The following DHX34 variants were observed in gnomAD, a reference collection of about 807,000 sequenced individuals.
DHX34 encodes probable ATP-dependent RNA helicase DHX34.
A neutral mutation model predicts 111.1 loss-of-function variants in DHX34; 96 were observed. The ratio of observed to expected loss-of-function variants is 0.86; its 90% CI spans 0.73 to 1.02. DHX34 has a LOEUF of 1.02. Ranked by LOEUF, DHX34 falls within the 50% of genes least tolerant of loss-of-function variation. The pLI is 0.00. For synonymous variants in DHX34, 688 were observed against 670.4 expected, an observed-to-expected ratio of 1.03 and a Z score of -0.41; for missense variants, 1,560 against 1,579.9, an observed-to-expected ratio of 0.99 and a Z score of 0.21.
rs1422970326 is a variant in DHX34, at chr19:47,353,727, G to C, written c.697G>C (p.Gly233Arg). 7.6e-6 allele frequency: 12 copies of C among 1,583,176 alleles called. No homozygotes were observed. The East Asian group carries it at 2.7e-4, about 36-fold the overall frequency. ...GGGCTTTGAGAGCCTCAGTCAGTAT[G>C]GCTCACAGGTGAGTGGGACGCACCA... is the stretch of plus-strand genomic sequence containing the variant. ...RVGFESLSQY[G>R]SQVGYQIRFE... The change falls in exon 2 of 17, where the codon GGC becomes CGC. Residue 233 changes from glycine (G) to arginine (R), a missense_variant. By Grantham distance (125) the Gly-to-Arg change is moderately radical. Coordinates refer to ENST00000328771, the MANE Select transcript of DHX34 (RefSeq NM_014681.6). The surrounding 1 kb of genome is among the most constrained non-coding windows in gnomAD (Gnocchi z 4.6).
At chr19:47,376,631 C>G (rs1010104241) in intron 12 of DHX34, 71 bp downstream of exon 12, 7 of 1,519,306 alleles carry the variant, frequency 4.6e-6, no homozygotes, top group Non-Finnish European at 6.2e-6. Context: ...AACTCCCAGG[C>G]CCCTCTGGCT....
chr19:47,375,134 G>A (rs1970093967), intron 9 of DHX34, among the ~76,000 whole-genome samples: 1 of 152,186 alleles, frequency 6.6e-6, no homozygotes, highest in South Asian at 2.1e-4. Flanking sequence ...AAGCACTAGT[G>A]CAGGACGCCC....
intron 7 of DHX34, among the ~76,000 whole-genome samples, chr19:47,368,377 G>A (rs1246531530): frequency 7.4e-6 from 1 of 135,682 alleles, no homozygotes; most frequent in African/African-American, 2.8e-5. Flanking sequence ...TGCCATCTCG[G>A]CTCACCACAA....
intron 6 of DHX34, among the ~76,000 whole-genome samples, chr19:47,363,629 C>T (rs1969699681): frequency 6.6e-6 from 1 of 151,958 alleles, no homozygotes; most frequent in African/African-American, 2.4e-5. Context: ...ACCAGCATGA[C>T]CAACATGGTG....
rs373009341 is a variant in DHX34 at position 47,382,114 on chromosome 19, G to A, written c.*1G>A. 5.1e-5 allele frequency: 82 copies of A among 1,613,748 alleles called. No individual in the cohort carries two copies. Among genetic ancestry groups the A allele is most frequent in the Non-Finnish European group, 6.9e-5 (82 of 1,179,948 alleles). ...GCGCCACCGGAAGCAGCACGTGTGA[G>A]CTGGGCCAGGAGCCCTGCCCACCTC... On this transcript the variant is annotated 3_prime_UTR_variant, in exon 17 of 17. Coordinates refer to ENST00000328771, the MANE Select transcript of DHX34 (RefSeq NM_014681.6).
chr19:47,377,253 C>A, intron 13 of DHX34, 47 bp downstream of exon 13: 1 of 1,570,346 alleles, frequency 6.4e-7, no homozygotes, highest in Non-Finnish European at 8.7e-7. Flanking sequence ...ATGAGAGCTG[C>A]GTTGCCCAGG....
intron 14 of DHX34, chr19:47,380,584 CAG>C (rs965083854): frequency 3.1e-6 from 3 of 966,354 alleles, no homozygotes; most frequent in Non-Finnish European, 3.7e-6. Context: ...CCACCAGTGA[CAG>C]GGGCAGAAGA....
intron 16 of DHX34, 178 bp from the exon 17 acceptor site, chr19:47,381,802 G>C: frequency 1.1e-6 from 1 of 935,000 alleles, no homozygotes; most frequent in Non-Finnish European, 1.3e-6. Flanking sequence ...GCAGGGATGC[G>C]GAGTAAAGAC....
chr19:47,358,193 GTAAC>G, intron 4 of DHX34, 73 bp downstream of exon 4: 4 of 1,538,170 alleles, frequency 2.6e-6, no homozygotes, highest in Non-Finnish European at 3.5e-6. Flanking sequence ...CAGGACTTGT[GTAAC>G]TCCACAAACA....
intron 1 of DHX34, among the ~76,000 whole-genome samples, chr19:47,350,420 A>AT (rs113841688): frequency 0.025 from 3,470 of 137,804 alleles, 107 homozygotes; most frequent in African/African-American, 0.076. Context: ...ACAAAAATGA[A>AT]TTTTTTTTTT....
In DHX34 at chr19:47,353,838, G is replaced by A; in HGVS notation, c.705+103G>A. ...CAATAAAAATGAAGCACTTACCCTT[G>A]GACCCAGCGATGATTCTTCTAGAAC... On this transcript the variant is annotated intron_variant, in intron 2 of 16. Coordinates refer to ENST00000328771, the MANE Select transcript of DHX34 (RefSeq NM_014681.6). This position sits in a 1 kb window ranked among gnomAD's most constrained non-coding sequence, Gnocchi z 4.6. The A allele has an allele frequency of 8.9e-7, 1 of 1,121,690 alleles. No individual in the cohort carries two copies. Among genetic ancestry groups the A allele is most frequent in the Non-Finnish European group, 1.2e-6 (1 of 814,810 alleles). 69.5% of individuals were successfully genotyped at this position (1,121,690 alleles called of 1,614,324 possible). A position where few individuals can be genotyped will look rare whatever the true frequency, so the allele number is the denominator to read the frequency against.
intron 11 of DHX34, 73 bp downstream of exon 11, chr19:47,376,170 G>C: frequency 6.6e-7 from 1 of 1,510,862 alleles, no homozygotes. Flanking sequence ...CCTGTGCCGG[G>C]AATGCAGTGG....
rs752153490 is a variant in DHX34, at chr19:47,353,717, C to T, written c.687C>T (p.Leu229=). The T allele has an allele frequency of 1.3e-6, 2 of 1,599,486 alleles. No homozygotes were observed. The highest frequency in any genetic ancestry group is 1.7e-6 in the Non-Finnish European group (2 of 1,170,996). Residue 229 remains leucine (L), a synonymous_variant, in exon 2 of 17, where the codon CTC becomes CTT. Coordinates refer to ENST00000328771, the MANE Select transcript of DHX34 (RefSeq NM_014681.6). This position sits in a 1 kb window ranked among gnomAD's most constrained non-coding sequence, Gnocchi z 4.6. ...CCAAGCGTGTGGGCTTTGAGAGCCT[C>T]AGTCAGTATGGCTCACAGGTGAGTG... is the stretch of plus-strand genomic sequence containing the variant. The part of the protein sequence containing the change: ...SLAKRVGFES[L]SQYGSQVGYQ...
rs748984490 is a variant in DHX34 at position 47,372,940 on chromosome 19, G to A, written c.1962+17G>A. On this transcript the variant is annotated intron_variant, in intron 8 of 16. Coordinates refer to ENST00000328771, the MANE Select transcript of DHX34 (RefSeq NM_014681.6). ...TGGGTGCAGGTGAGGCTGGTGGTGGGGGCCCTCTGTCTGTCACCCTGCTCA... is the reference window on the plus strand; with the variant it reads ...TGGGTGCAGGTGAGGCTGGTGGTGGAGGCCCTCTGTCTGTCACCCTGCTCA... The A allele has an allele frequency of 6.4e-7, 1 of 1,573,942 alleles. No individual in the cohort carries two copies. The highest frequency in any genetic ancestry group is 8.6e-7 in the Non-Finnish European group (1 of 1,166,090).
chr19:47,357,569 C>T (rs1471139000), intron 3 of DHX34, among the ~76,000 whole-genome samples: 1 of 152,130 alleles, frequency 6.6e-6, no homozygotes, highest in Non-Finnish European at 1.5e-5. Context: ...GCCAGGGATG[C>T]TGCTAGATAT....
At chr19:47,351,247 T>C (rs1443145452) in intron 1 of DHX34, among the ~76,000 whole-genome samples, 1 of 148,810 alleles carries the variant, frequency 6.7e-6, no homozygotes, top group Admixed American at 6.7e-5. Flanking sequence ...GGCTCAGTCT[T>C]GGCTTCCTGC....
At chr19:47,376,753 C>A in intron 12 of DHX34, 193 bp downstream of exon 12, 4 of 1,445,490 alleles carry the variant, frequency 2.8e-6, no homozygotes, top group Non-Finnish European at 3.7e-6. Flanking sequence ...TGGGCCTCAC[C>A]TTCCGCATGG....
rs371069847 is a variant in DHX34, at chr19:47,380,802, C to T, written c.2983-14C>T. On this transcript the variant is annotated splice_polypyrimidine_tract_variant and intron_variant, in intron 14 of 16. Coordinates refer to ENST00000328771, the MANE Select transcript of DHX34 (RefSeq NM_014681.6). ...GAGTCTGTCTCTCTCCATTTCCTGT[C>T]TCTCCTTCCTTAGATTCCTTACAGC... is the stretch of plus-strand genomic sequence containing the variant. 35 of 1,613,442 alleles carry T rather than the reference C, an allele frequency of 2.2e-5. No individual in the cohort carries two copies. Among genetic ancestry groups the T allele is most frequent in the Non-Finnish European group, 2.9e-5 (34 of 1,179,734 alleles).
intron 6 of DHX34, among the ~76,000 whole-genome samples, chr19:47,364,194 G>A (rs1443847138): frequency 1.3e-5 from 2 of 152,112 alleles, no homozygotes; most frequent in African/African-American, 2.4e-5. Context: ...TTTGCGGGTC[G>A]AGCCTGCAAA....
Sources: allele counts gnomAD v4.1 joint callset (sites outside exome capture counted in the v4.1 genomes callset), GRCh38; gene constraint gnomAD v4.1.1; non-coding constraint Gnocchi (gnomAD v3.1); transcripts MANE v1.5; gene names NCBI Gene and HGNC (gene_info 2026-07-23, HGNC 2026-07-21).